ANXA4: variants seen among roughly 807,000 people sequenced by gnomAD.
ANXA4 encodes 35-beta calcimedin.
A neutral mutation model predicts 49.8 loss-of-function variants in ANXA4; 39 were observed. The observed-to-expected ratio is 0.78, with a 90% CI of 0.61 to 1.02. The LOEUF is 1.02. Ranked by LOEUF, ANXA4 falls within the 50% of genes least tolerant of loss-of-function variation. ANXA4 has a pLI of 0.00. For missense variants in ANXA4, 360 were observed against 410.1 expected (o/e 0.88, Z 1.05); for synonymous variants, 134 against 152.5 (o/e 0.88, Z 0.89).
At chr2:69,660,154 GAGTT>G (rs577487312) in intron 2 of ANXA4, among the ~76,000 whole-genome samples, 124 of 152,268 alleles carry the variant, frequency 8.1e-4, no homozygotes, top group Non-Finnish European at 1.3e-3. Flanking sequence ...GCAGAAGAAA[GAGTT>G]AGAAAAAAGA....
rs141139600 is a variant in ANXA4 at position 69,790,211 on chromosome 2, A to C, written c.97+2070A>C. 2.6e-3 allele frequency among the ~76,000 whole-genome samples: 402 copies of C among 152,088 alleles called. 1 individual carries two copies. Among genetic ancestry groups the C allele is most frequent in the African/African-American group, 9.3e-3 (387 of 41,478 alleles). ...TTTACCCTAAATGTCTACCTAAATC[A>C]TTTCTTTCTGCCTCCTATAACATAT... On this transcript the variant is annotated intron_variant, in intron 3 of 12. Transcript: ENST00000394295.
At chr2:69,722,534 A>G (rs1300422997) in intron 3 of ANXA4, among the ~76,000 whole-genome samples, 1 of 152,198 alleles carries the variant, frequency 6.6e-6, no homozygotes, top group Non-Finnish European at 1.5e-5. Context: ...CAAATATTAT[A>G]TGATTCTACT....
At chr2:69,742,449 T>C (rs1670435379) in intron 1 of ANXA4, among the ~76,000 whole-genome samples, 1 of 152,228 alleles carries the variant, frequency 6.6e-6, no homozygotes, top group African/African-American at 2.4e-5. Context: ...AGGACGCGGG[T>C]CAGAGACCAC....
Position 69,788,089 on chromosome 2 carries a change from A to G in ANXA4, c.45A>G (p.Gly15=), listed in dbSNP as rs748684692. 2.5e-6 allele frequency: 4 copies of G among 1,614,076 alleles called. No individual in the cohort carries two copies. The highest frequency in any genetic ancestry group is 1.7e-6 in the Non-Finnish European group (2 of 1,179,936). ...GAGGTACTGTCAAAGCTGCTTCAGG[A>G]TTCAATGCCATGGAAGATGCCCAGA... The part of the protein sequence containing the change: ...TKGGTVKAAS[G]FNAMEDAQTL... The change falls in exon 3 of 13, where the codon GGA becomes GGG. Residue 15 remains glycine (G), a synonymous_variant. Coordinates refer to ENST00000394295, the MANE Select transcript of ANXA4 (RefSeq NM_001153.5).
chr2:69,823,844 C>T (rs962177701), intron 12 of ANXA4, among the ~76,000 whole-genome samples: 2 of 152,294 alleles, frequency 1.3e-5, no homozygotes, highest in South Asian at 2.1e-4. Flanking sequence ...TAAGATTGAG[C>T]TTAACAGATA....
chr2:69,774,339 C>T lies in ANXA4; in HGVS notation c.-46-7181C>T, dbSNP rs59946983. Among the ~76,000 whole-genome samples the T allele has an allele frequency of 9.0e-3, 633 of 70,092 alleles. 7 individuals are homozygous for T. The highest frequency in any genetic ancestry group is 0.024 in the Middle Eastern group (2 of 82). 46.0% of individuals were successfully genotyped at this position (70,092 alleles called of 152,430 possible). Reference sequence around the variant, plus strand: ...TTATGTAAAAGGAGCCCCCCCCCCCCCTTTTTTTTTTTTTTTGAGACAGAG... The same window carrying T: ...TTATGTAAAAGGAGCCCCCCCCCCCTCTTTTTTTTTTTTTTTGAGACAGAG... On this transcript the variant is annotated intron_variant, in intron 1 of 12. Transcript: ENST00000394295.
At chr2:69,730,457 G>A (rs1670068482) in intron 3 of ANXA4, among the ~76,000 whole-genome samples, 1 of 152,174 alleles carries the variant, frequency 6.6e-6, no homozygotes, top group South Asian at 2.1e-4. Flanking sequence ...AGCCGAGATT[G>A]TACCATTGCA....
chr2:69,774,025 G>T lies in ANXA4; in HGVS notation c.-46-7495G>T, dbSNP rs564314061. On this transcript the variant is annotated intron_variant, in intron 1 of 12. Transcript: ENST00000394295. Reference sequence around the variant, plus strand: ...TTTAGTAGAGGCAGGGTTTCACCGTGTTGGCCAGGCTGGTCTCGAACTCCT... The same window carrying T: ...TTTAGTAGAGGCAGGGTTTCACCGTTTTGGCCAGGCTGGTCTCGAACTCCT... Among the ~76,000 whole-genome samples, 8 of 151,936 alleles carry T rather than the reference G, an allele frequency of 5.3e-5. No homozygotes were observed. The South Asian group carries it at 1.7e-3, about 32-fold the overall frequency.
rs1270123759 is a variant in ANXA4, at chr2:69,814,793, T to A, written c.535-1308T>A. The A allele has an allele frequency of 7.6e-3, 335 of 43,896 alleles. 1 individual carries two copies. Among genetic ancestry groups the A allele is most frequent in the South Asian group, 0.014 (21 of 1,502 alleles). The allele number at this position is 43,896 out of a possible 1,614,324, so 2.7% of individuals were successfully genotyped here. On this transcript the variant is annotated intron_variant, in intron 8 of 12. Coordinates refer to ENST00000394295, the MANE Select transcript of ANXA4 (RefSeq NM_001153.5). The stretch of plus-strand genomic sequence containing the variant: ...GTGTGTGTGTGTGTGTGTGTGTGTG[T>A]GAGAGAAAGAGAGAGAGGATGGAGT...
At chr2:69,782,472 G>T (rs910068152) in intron 2 of ANXA4, among the ~76,000 whole-genome samples, 4 of 152,076 alleles carry the variant, frequency 2.6e-5, no homozygotes, top group Non-Finnish European at 5.9e-5. Flanking sequence ...TCATTTTCTT[G>T]CTGATTGATT....
intron 1 of ANXA4, among the ~76,000 whole-genome samples, chr2:69,742,862 C>T (rs867378469): frequency 6.6e-6 from 1 of 152,168 alleles, no homozygotes; most frequent in Non-Finnish European, 1.5e-5. Context: ...CTGCATAACT[C>T]GTGCTTTACA....
chr2:69,661,675 C>T (rs1186855825), intron 2 of ANXA4, among the ~76,000 whole-genome samples: 1 of 151,982 alleles, frequency 6.6e-6, no homozygotes, highest in African/African-American at 2.4e-5. Flanking sequence ...CTTAGCAGAC[C>T]TGAGAAAGCT....
intron 2 of ANXA4, among the ~76,000 whole-genome samples, chr2:69,685,952 T>TTC (rs1677771134): frequency 6.6e-6 from 1 of 152,150 alleles, no homozygotes; most frequent in African/African-American, 2.4e-5. Flanking sequence ...ACTCAGAGGT[T>TTC]GGAAGAGATG....
At chr2:69,769,343 C>T (rs112520697) in intron 1 of ANXA4, among the ~76,000 whole-genome samples, 2 of 152,188 alleles carry the variant, frequency 1.3e-5, no homozygotes, top group African/African-American at 4.8e-5. Flanking sequence ...CAAGATAGAA[C>T]TCACCACAAC....
intron 2 of ANXA4, among the ~76,000 whole-genome samples, chr2:69,692,803 C>A (rs1678019463): frequency 1.3e-5 from 2 of 152,198 alleles, no homozygotes; most frequent in Admixed American, 1.3e-4. Flanking sequence ...TTTTAAATAT[C>A]ATTTGGAGTA....
intron 2 of ANXA4, among the ~76,000 whole-genome samples, chr2:69,669,328 G>A (rs560701004): frequency 6.6e-6 from 1 of 151,948 alleles, no homozygotes; most frequent in Admixed American, 6.5e-5. Context: ...AGAATCATAA[G>A]GCCGGGCGCA....
intron 8 of ANXA4, among the ~76,000 whole-genome samples, chr2:69,813,806 G>A (rs545825675): frequency 2.9e-4 from 41 of 141,794 alleles, no homozygotes; most frequent in African/African-American, 1.1e-3. Context: ...CGTCCAGACT[G>A]GAGTGTGGTG....
At chr2:69,675,816 G>A (rs916667850) in intron 2 of ANXA4, among the ~76,000 whole-genome samples, 3 of 152,046 alleles carry the variant, frequency 2.0e-5, no homozygotes, top group Non-Finnish European at 4.4e-5. Context: ...GAGGTCAGGA[G>A]ATCAAGACCA....
intron 1 of ANXA4, among the ~76,000 whole-genome samples, chr2:69,751,658 A>G (rs1454985857): frequency 1.3e-5 from 2 of 152,174 alleles, no homozygotes; most frequent in Admixed American, 1.3e-4. Context: ...ATATTGATTT[A>G]GGTCATTCTG....
Sources: allele counts gnomAD v4.1 joint callset (sites outside exome capture counted in the v4.1 genomes callset), GRCh38; gene constraint gnomAD v4.1.1; transcripts MANE v1.5; gene names NCBI Gene and HGNC (gene_info 2026-07-23, HGNC 2026-07-21).